The following PDE7B variants were observed in gnomAD, a reference collection of about 807,000 sequenced individuals.
PDE7B encodes the protein phosphodiesterase 7B.
In PDE7B, 29 loss-of-function variants were observed where a neutral mutation model predicts 56.2. The ratio of observed to expected loss-of-function variants is 0.52; its 90% CI spans 0.38 to 0.70. The LOEUF is 0.70. Among genes scored for constraint, PDE7B ranks in the 30% least tolerant of loss-of-function variants. The pLI, the probability that PDE7B is intolerant of heterozygous loss-of-function variation, is 0.00. For missense variants in PDE7B, 490 were observed against 565.0 expected, an observed-to-expected ratio of 0.87 and a Z score of 1.35; for synonymous variants, 197 against 196.9, an observed-to-expected ratio of 1.00 and a Z score of 0.00.
chr6:135,864,067 C>A (rs1775204437), intron 1 of PDE7B, among the ~76,000 whole-genome samples: 1 of 151,930 alleles, frequency 6.6e-6, no homozygotes, highest in Non-Finnish European at 1.5e-5. Context: ...TGCACTGCCC[C>A]CTTTCCGTTA....
intron 2 of PDE7B, among the ~76,000 whole-genome samples, chr6:135,972,233 C>CAAAAAAAAAAAAAAAAAAAAA (rs72005772): frequency 1.5e-5 from 1 of 65,168 alleles, no homozygotes; most frequent in Non-Finnish European, 2.7e-5. Context: ...AAACTGTTCT[C>CAAAAAAAAAAAAAAAAAAAAA]AAAAAAAAAA....
intron 2 of PDE7B, among the ~76,000 whole-genome samples, chr6:136,017,396 G>A (rs1436551984): frequency 6.6e-6 from 1 of 151,956 alleles, no homozygotes; most frequent in Admixed American, 6.5e-5. Context: ...CAACGTGCAG[G>A]TTTGTTACAT....
At chr6:136,163,687 T>C (rs1778747331) in intron 8 of PDE7B, among the ~76,000 whole-genome samples, 1 of 152,216 alleles carries the variant, frequency 6.6e-6, no homozygotes, top group South Asian at 2.1e-4. Flanking sequence ...TGCTTCCCTT[T>C]GAATGCTTTG....
At chr6:135,931,008 A>G (rs1204694883) in intron 1 of PDE7B, among the ~76,000 whole-genome samples, 2 of 152,354 alleles carry the variant, frequency 1.3e-5, no homozygotes, top group East Asian at 3.9e-4. Flanking sequence ...GAAACATCAG[A>G]TGTTAATAGG....
chr6:135,893,720 CT>C (rs933027013), intron 1 of PDE7B, among the ~76,000 whole-genome samples: 4 of 152,106 alleles, frequency 2.6e-5, no homozygotes, highest in Non-Finnish European at 4.4e-5. Context: ...CTTAATCATC[CT>C]GTGTCTCCTG....
intron 1 of PDE7B, among the ~76,000 whole-genome samples, chr6:135,917,484 A>T (rs572446743): frequency 6.6e-6 from 1 of 152,160 alleles, no homozygotes; most frequent in African/African-American, 2.4e-5. Flanking sequence ...AAGATTTGTT[A>T]TCTGTTTACC....
At chr6:135,927,085 G>T (rs982226110) in intron 1 of PDE7B, among the ~76,000 whole-genome samples, 1 of 152,088 alleles carries the variant, frequency 6.6e-6, no homozygotes, top group Non-Finnish European at 1.5e-5. Flanking sequence ...GAGAAAATGC[G>T]TTTCTTCTTC....
intron 1 of PDE7B, among the ~76,000 whole-genome samples, chr6:135,876,743 C>T (rs9389340): frequency 0.041 from 6,232 of 152,114 alleles, 195 homozygotes; most frequent in East Asian, 0.12. Flanking sequence ...CCTGTAATCC[C>T]ACCTACTCAG....
chr6:135,919,930 A>T (rs1774038877), intron 1 of PDE7B, among the ~76,000 whole-genome samples: 1 of 152,206 alleles, frequency 6.6e-6, no homozygotes, highest in Admixed American at 6.5e-5. Context: ...AGAACTCTTT[A>T]AAATTAGCTC....
At chr6:136,048,262 G>A (rs539458898) in intron 2 of PDE7B, among the ~76,000 whole-genome samples, 4 of 152,270 alleles carry the variant, frequency 2.6e-5, no homozygotes, top group East Asian at 3.9e-4. Flanking sequence ...GGTGGCTCAC[G>A]GCTATAACAT....
intron 1 of PDE7B, among the ~76,000 whole-genome samples, chr6:135,921,301 G>A (rs1248928558): frequency 1.3e-5 from 2 of 152,110 alleles, no homozygotes; most frequent in Non-Finnish European, 2.9e-5. Context: ...ATATATTCAG[G>A]AGGCTGTAGA....
At chr6:135,852,859 CAG>C (rs1247932318) in intron 1 of PDE7B, among the ~76,000 whole-genome samples, 1 of 152,238 alleles carries the variant, frequency 6.6e-6, no homozygotes, top group African/African-American at 2.4e-5. Context: ...GTGCTCTAGC[CAG>C]AGTGACTATT....
chr6:136,098,223 A>C (rs542837380), intron 2 of PDE7B, among the ~76,000 whole-genome samples: 10 of 151,898 alleles, frequency 6.6e-5, no homozygotes, highest in East Asian at 1.9e-4. Flanking sequence ...AAGAAGGCAA[A>C]GAAAGGAAAG....
chr6:136,044,868 T>C (rs923670481), intron 2 of PDE7B: 2 of 152,126 alleles, frequency 1.3e-5, no homozygotes, highest in Non-Finnish European at 2.9e-5. Context: ...TGGCTCTCAA[T>C]GGAGGATGGT....
At chr6:136,065,122 T>G (rs1776911835) in intron 2 of PDE7B, among the ~76,000 whole-genome samples, 1 of 152,226 alleles carries the variant, frequency 6.6e-6, no homozygotes, top group Admixed American at 6.5e-5. Flanking sequence ...CTAGCAGGAC[T>G]TGACAGCAGC....
intron 2 of PDE7B, among the ~76,000 whole-genome samples, chr6:135,989,719 A>G (rs781771467): frequency 2.6e-5 from 4 of 152,216 alleles, no homozygotes; most frequent in Non-Finnish European, 5.9e-5. Context: ...AAATATATCA[A>G]TCAAATTCAT....
intron 2 of PDE7B, among the ~76,000 whole-genome samples, chr6:136,036,534 G>A (rs550323504): frequency 2.0e-5 from 3 of 152,106 alleles, no homozygotes; most frequent in Admixed American, 2.0e-4. Flanking sequence ...TGGATTTAGA[G>A]AAATAATAAA....
At chr6:136,188,640 A>G (rs1779177277) in intron 12 of PDE7B, among the ~76,000 whole-genome samples, 1 of 152,226 alleles carries the variant, frequency 6.6e-6, no homozygotes, top group Non-Finnish European at 1.5e-5. Flanking sequence ...TTCAGCACAC[A>G]ACCTGGATTT....
intron 3 of PDE7B, among the ~76,000 whole-genome samples, chr6:136,133,140 CTAAAGCA>C (rs1475315441): frequency 2.7e-4 from 41 of 151,994 alleles, no homozygotes; most frequent in Admixed American, 1.3e-4. Flanking sequence ...CTTTCCCTTT[CTAAAGCA>C]TAAAGCATAA....
Sources: allele counts gnomAD v4.1 joint callset (sites outside exome capture counted in the v4.1 genomes callset), GRCh38; gene constraint gnomAD v4.1.1; transcripts MANE v1.5; gene names NCBI Gene and HGNC (gene_info 2026-07-23, HGNC 2026-07-21).